Variants in CBX1 observed in about 807,000 individuals in gnomAD.
CBX1 encodes chromobox protein homolog 1.
CBX1 carries 10 observed loss-of-function variants against 25.1 expected under a neutral mutation model. The observed-to-expected ratio is 0.40, with a 90% CI of 0.25 to 0.68. The LOEUF (loss-of-function observed/expected upper bound fraction) is 0.68. CBX1 is among the 30% of genes least tolerant of loss of function. The pLI, the probability that CBX1 is intolerant of heterozygous loss-of-function variation, is 0.40. For synonymous variants in CBX1, 63 were observed against 79.4 expected (o/e 0.79, Z 1.10); for missense variants, 106 against 218.5 (o/e 0.49, Z 3.25).
intron 2 of CBX1, 108 bp from the exon 3 acceptor site, chr17:48,076,286 T>C: frequency 8.0e-6 from 7 of 873,978 alleles, no homozygotes; most frequent in African/African-American, 6.8e-5. Flanking sequence ...AAAGCTGAAA[T>C]TCTTGGGGAA....
At chr17:48,095,731 G>A (rs1172817299) in intron 1 of CBX1, 1 of 152,214 alleles carries the variant, frequency 6.6e-6, no homozygotes, top group Non-Finnish European at 1.5e-5. Flanking sequence ...TCAAAAGGCA[G>A]GTGAAGGCAT....
chr17:48,072,065 C>G (rs1460097993), intron 4 of CBX1, among the ~76,000 whole-genome samples: 1 of 150,068 alleles, frequency 6.7e-6, no homozygotes, highest in Admixed American at 6.7e-5. Context: ...GGCATGATCT[C>G]GGATCACCAC....
At chr17:48,086,210 T>C in intron 1 of CBX1, among the ~76,000 whole-genome samples, 1 of 152,194 alleles carries the variant, frequency 6.6e-6, no homozygotes, top group East Asian at 1.9e-4. Flanking sequence ...GTGATTTTCC[T>C]CACCCACCCT....
At chr17:48,075,128 T>A (rs1202793822) in intron 3 of CBX1, 28 bp from the exon 4 acceptor site, 5 of 1,398,156 alleles carry the variant, frequency 3.6e-6, no homozygotes, top group African/African-American at 1.4e-5. Flanking sequence ...GTAGAACAAT[T>A]TTATCTATAT....
intron 4 of CBX1, among the ~76,000 whole-genome samples, chr17:48,071,896 A>C (rs570174295): frequency 4.0e-5 from 6 of 150,594 alleles, no homozygotes; most frequent in African/African-American, 1.5e-4. Flanking sequence ...GGAAGAGAGG[A>C]TACCTAGATT....
Position 48,077,037 on chromosome 17 carries a change from C to T in CBX1, c.-33G>A, listed in dbSNP as rs373507473. 1.6e-5 allele frequency: 26 copies of T among 1,597,256 alleles called. No individual in the cohort carries two copies. The highest frequency in any genetic ancestry group is 4.5e-5 in the East Asian group (2 of 44,672). ...GCCAGCTTTCTGGTGTAAAGGGTGA[C>T]GCTGCTAAAATGATAAATGAAATAA... On this transcript the variant is annotated 5_prime_UTR_variant, in exon 2 of 5. Transcript: ENST00000225603.
Position 48,071,320 on chromosome 17 carries a change from G to C in CBX1, c.*115C>G. ...GCTGCAGGGCACAGAAACTATACTG[G>C]CTCTTCAAAGGACATCTTCTCAAGC... On this transcript the variant is annotated 3_prime_UTR_variant, in exon 5 of 5. Transcript: ENST00000225603. 1 of 1,051,278 alleles carries C rather than the reference G, an allele frequency of 9.5e-7. No individual in the cohort carries two copies. Among genetic ancestry groups the C allele is most frequent in the Non-Finnish European group, 1.4e-6 (1 of 735,296 alleles). 65.1% of individuals were successfully genotyped at this position (1,051,278 alleles called of 1,614,324 possible). A position where few individuals can be genotyped will look rare whatever the true frequency, so the allele number is the denominator to read the frequency against.
At chr17:48,080,952 A>G (rs1598307122) in intron 1 of CBX1, among the ~76,000 whole-genome samples, 5 of 8,954 alleles carry the variant, frequency 5.6e-4, no homozygotes, top group Admixed American at 3.9e-3. Context: ...AAAAAAAAAA[A>G]TATATATATA....
At chr17:48,099,427 A>C (rs1021320308) in intron 1 of CBX1, among the ~76,000 whole-genome samples, 6 of 152,046 alleles carry the variant, frequency 3.9e-5, no homozygotes, top group African/African-American at 9.7e-5. Context: ...TTTTAATGAG[A>C]AACAATTTAG....
intron 1 of CBX1, among the ~76,000 whole-genome samples, chr17:48,099,052 T>C (rs1266230887): frequency 6.6e-6 from 1 of 152,262 alleles, no homozygotes; most frequent in African/African-American, 2.4e-5. Context: ...ACTAGGCTTC[T>C]ATTTACATTC....
At chr17:48,074,332 T>C (rs548742021) in intron 4 of CBX1, among the ~76,000 whole-genome samples, 65 of 152,290 alleles carry the variant, frequency 4.3e-4, no homozygotes, top group African/African-American at 1.5e-3. Context: ...GAGATCCACT[T>C]TGTGGGGAGA....
intron 1 of CBX1, among the ~76,000 whole-genome samples, chr17:48,091,422 G>C (rs2063343159): frequency 6.6e-6 from 1 of 151,562 alleles, no homozygotes; most frequent in South Asian, 2.1e-4. Flanking sequence ...TGCCCAGGCA[G>C]GAATGAAGTG....
chr17:48,077,432 TG>T lies in CBX1; in HGVS notation c.-37-392del, dbSNP rs796537194. On this transcript the variant is annotated intron_variant, in intron 1 of 4. Coordinates refer to ENST00000225603, the MANE Select transcript of CBX1 (RefSeq NM_001127228.2). ...GCCACCAAGCCCAGCTAATTTTTGT[TG>T]TTTTTTTTTTTGTTTTTTTTGTTTT... 7.2e-3 allele frequency among the ~76,000 whole-genome samples: 584 copies of T among 80,648 alleles called. 15 individuals are homozygous for T. The highest frequency in any genetic ancestry group is 0.028 in the African/African-American group (500 of 17,962). The allele number at this position is 80,648 out of a possible 152,430, so 52.9% of individuals were successfully genotyped here.
intron 3 of CBX1, 43 bp from the exon 4 acceptor site, chr17:48,075,143 C>A (rs762176192): frequency 8.0e-7 from 1 of 1,247,650 alleles, no homozygotes; most frequent in South Asian, 1.2e-5. Flanking sequence ...CTATATGGGA[C>A]TATTATCCAG....
At chr17:48,072,782 CA>C (rs35841265) in intron 4 of CBX1, among the ~76,000 whole-genome samples, 30 of 141,072 alleles carry the variant, frequency 2.1e-4, no homozygotes, top group African/African-American at 2.6e-4. Flanking sequence ...GACTCTGTCT[CA>C]AAAAAAAAAA....
chr17:48,087,729 G>A (rs35361214), intron 1 of CBX1, among the ~76,000 whole-genome samples: 41,388 of 151,614 alleles, frequency 0.27, 6,376 homozygotes, highest in African/African-American at 0.43. Context: ...AAAATTGGCC[G>A]GGCATAGTGG....
intron 1 of CBX1, among the ~76,000 whole-genome samples, chr17:48,077,256 C>CT (rs57789313): frequency 0.25 from 35,969 of 141,552 alleles, 4,808 homozygotes; most frequent in African/African-American, 0.36. Context: ...TTACAGCAAA[C>CT]TTTTTTTTTT....
chr17:48,077,170 C>G (rs1039568846), intron 1 of CBX1, 129 bp from the exon 2 acceptor site: 23 of 643,744 alleles, frequency 3.6e-5, no homozygotes, highest in Non-Finnish European at 5.5e-5. Context: ...AAGTGTTAGG[C>G]TTCTTCTCAC....
Position 48,101,399 on chromosome 17 carries a change from G to A in CBX1, c.-169C>T. The stretch of plus-strand genomic sequence containing the variant: ...CCGCAGTGGCGTCCCTCACTGAAGC[G>A]GCGTACCGCAGGCCCCGGCCAACGG... On this transcript the variant is annotated 5_prime_UTR_variant, in exon 1 of 5. Coordinates refer to ENST00000225603, the MANE Select transcript of CBX1 (RefSeq NM_001127228.2). 17 of 985,594 alleles carry A rather than the reference G, an allele frequency of 1.7e-5. No individual in the cohort carries two copies. Among genetic ancestry groups the A allele is most frequent in the Non-Finnish European group, 2.0e-5 (17 of 830,042 alleles). The allele number at this position is 985,594 out of a possible 1,614,324, so 61.1% of individuals were successfully genotyped here.
Sources: gnomAD v4.1 joint callset for allele counts (sites outside exome capture counted in the v4.1 genomes callset) on GRCh38, gnomAD v4.1.1 for gene constraint, MANE v1.5 for transcripts, NCBI Gene and HGNC (gene_info 2026-07-23, HGNC 2026-07-21) for gene names.